The following CSNK1G3 variants were observed in gnomAD, a reference collection of about 807,000 sequenced individuals.
CSNK1G3 encodes the protein casein kinase 1 gamma 3.
Under a neutral mutation model 64.3 loss-of-function variants are expected in CSNK1G3, and 23 were observed. The ratio of observed to expected loss-of-function variants is 0.36; its 90% confidence interval spans 0.26 to 0.51. The LOEUF is 0.51. Among genes scored for constraint, CSNK1G3 ranks in the 20% least tolerant of loss-of-function variants. The pLI is 0.96. For missense variants in CSNK1G3, 357 were observed against 510.5 expected (o/e 0.70, Z 2.90); for synonymous variants, 158 against 162.2 (o/e 0.97, Z 0.20).
At chr5:123,545,370 T>C (rs1782357413) in intron 1 of CSNK1G3, 47 bp from the exon 2 acceptor site, 1 of 228,644 alleles carries the variant, frequency 4.4e-6, no homozygotes, top group Non-Finnish European at 8.6e-6. Context: ...CCCAGACATA[T>C]ATTTTAAAAT....
chr5:123,597,110 T>C (rs1210288918), intron 10 of CSNK1G3, among the ~76,000 whole-genome samples: 1 of 152,008 alleles, frequency 6.6e-6, no homozygotes, highest in Admixed American at 6.6e-5. Context: ...GGAAACAATA[T>C]GTTCTATTAA....
chr5:123,561,948 A>C (rs1266879278), intron 4 of CSNK1G3, among the ~76,000 whole-genome samples: 3 of 152,254 alleles, frequency 2.0e-5, no homozygotes, highest in East Asian at 3.9e-4. Flanking sequence ...ATTCTCTTCC[A>C]GTCCCCATTG....
chr5:123,589,911 T>C (rs544642154), intron 8 of CSNK1G3, among the ~76,000 whole-genome samples: 1 of 152,254 alleles, frequency 6.6e-6, no homozygotes, highest in East Asian at 1.9e-4. Context: ...AGAATACTGC[T>C]CAAAGCCAAG....
chr5:123,604,424 A>G (rs903974073), intron 10 of CSNK1G3, among the ~76,000 whole-genome samples: 3 of 152,096 alleles, frequency 2.0e-5, no homozygotes, highest in Non-Finnish European at 4.4e-5. Flanking sequence ...ATTGAGACAT[A>G]CATGCAGGAG....
intron 2 of CSNK1G3, 148 bp downstream of exon 2, chr5:123,545,989 G>A (rs1403502204): frequency 9.4e-6 from 7 of 741,900 alleles, no homozygotes; most frequent in Admixed American, 2.9e-5. Flanking sequence ...AATTTCTTTT[G>A]TAGTTGTATT....
chr5:123,542,392 T>C (rs553948795), intron 1 of CSNK1G3, among the ~76,000 whole-genome samples: 1 of 152,192 alleles, frequency 6.6e-6, no homozygotes, highest in Admixed American at 6.5e-5. Flanking sequence ...AATAGTAATT[T>C]ATCTTTAAAG....
exon 13 of CSNK1G3, chr5:123,614,567 T>C (rs1259104127): frequency 1.9e-5 from 10 of 521,362 alleles, no homozygotes; most frequent in African/African-American, 6.0e-5. Context: ...TTTCTTTTTT[T>C]TTTTTTCTCT....
At chr5:123,577,949 A>G (rs903867261) in intron 6 of CSNK1G3, among the ~76,000 whole-genome samples, 1 of 151,892 alleles carries the variant, frequency 6.6e-6, no homozygotes, top group Non-Finnish European at 1.5e-5. Flanking sequence ...TGCTGATTCT[A>G]TTACTTAATA....
intron 10 of CSNK1G3, among the ~76,000 whole-genome samples, chr5:123,592,123 G>T (rs1792484475): frequency 6.6e-6 from 1 of 152,026 alleles, no homozygotes; most frequent in Admixed American, 6.6e-5. Flanking sequence ...GATCATATGT[G>T]GGGCTCTATG....
intron 10 of CSNK1G3, among the ~76,000 whole-genome samples, chr5:123,600,928 A>G (rs1794393333): frequency 6.6e-6 from 1 of 151,808 alleles, no homozygotes; most frequent in East Asian, 1.9e-4. Context: ...ATCTTCTTAA[A>G]ATAAGAACCG....
chr5:123,526,594 G>GC (rs1262721772), intron 1 of CSNK1G3, among the ~76,000 whole-genome samples: 2 of 151,980 alleles, frequency 1.3e-5, no homozygotes, highest in African/African-American at 4.8e-5. Flanking sequence ...CCCACTCCTA[G>GC]CAGCCACTGA....
intron 1 of CSNK1G3, among the ~76,000 whole-genome samples, chr5:123,517,449 C>T (rs1331575260): frequency 6.6e-6 from 1 of 151,710 alleles, no homozygotes; most frequent in African/African-American, 2.4e-5. Context: ...CAATTGGCTA[C>T]TTTGAAATCA....
At chr5:123,535,726 T>C (rs1428040296) in intron 1 of CSNK1G3, among the ~76,000 whole-genome samples, 1 of 152,144 alleles carries the variant, frequency 6.6e-6, no homozygotes, top group Non-Finnish European at 1.5e-5. Flanking sequence ...CTAGTCCATT[T>C]TCACTGATTT....
intron 6 of CSNK1G3, among the ~76,000 whole-genome samples, chr5:123,577,412 TACAC>T (rs764940451): frequency 6.6e-5 from 10 of 152,054 alleles, no homozygotes; most frequent in Non-Finnish European, 1.5e-4. Flanking sequence ...TACGTATGTA[TACAC>T]ACACACAGAG....
At chr5:123,597,220 A>G (rs776022787) in intron 10 of CSNK1G3, among the ~76,000 whole-genome samples, 10 of 152,282 alleles carry the variant, frequency 6.6e-5, no homozygotes, top group East Asian at 1.9e-4. Flanking sequence ...TATTTGTGCA[A>G]TGGTCATTAA....
chr5:123,602,448 A>G (rs1001648796), intron 10 of CSNK1G3, among the ~76,000 whole-genome samples: 5 of 152,216 alleles, frequency 3.3e-5, no homozygotes, highest in African/African-American at 1.2e-4. Context: ...GTTGTAGACT[A>G]AAGTAAGAAC....
chr5:123,563,035 G>A (rs936382492), intron 4 of CSNK1G3, among the ~76,000 whole-genome samples: 1 of 151,892 alleles, frequency 6.6e-6, no homozygotes, highest in African/African-American at 2.4e-5. Flanking sequence ...TTTTTGACAT[G>A]AGTTTAAATA....
chr5:123,525,079 AGTT>A (rs774064226), intron 1 of CSNK1G3, among the ~76,000 whole-genome samples: 3,573 of 152,262 alleles, frequency 0.023, 66 homozygotes, highest in Middle Eastern at 0.037. Flanking sequence ...ATTCTATTGT[AGTT>A]CGTATCATAT....
At chr5:123,579,549 A>G (rs1239319697) in intron 6 of CSNK1G3, among the ~76,000 whole-genome samples, 3 of 151,980 alleles carry the variant, frequency 2.0e-5, no homozygotes, top group East Asian at 1.9e-4. Context: ...TTTTATAACA[A>G]CTAACAAAGG....
Sources: gnomAD v4.1 joint callset for allele counts (sites outside exome capture counted in the v4.1 genomes callset) on GRCh38, gnomAD v4.1.1 for gene constraint, MANE v1.5 for transcripts, NCBI Gene and HGNC (gene_info 2026-07-23, HGNC 2026-07-21) for gene names.